The following MOV10L1 variants were observed in gnomAD, a reference collection of about 807,000 sequenced individuals.
MOV10L1 encodes the protein Mov10 like RNA helicase 1.
MOV10L1 carries 110 observed loss-of-function variants against 143.8 expected under a neutral mutation model. That is an observed-to-expected ratio of 0.76 (90% CI 0.66 to 0.90). The LOEUF (loss-of-function observed/expected upper bound fraction) is 0.90, where lower values mean the gene tolerates loss of function less well. Ranked by LOEUF, MOV10L1 falls within the 40% of genes least tolerant of loss-of-function variation. The pLI is 0.00. For missense variants in MOV10L1, 1,406 were observed against 1,526.8 expected, an observed-to-expected ratio of 0.92 and a Z score of 1.32; for synonymous variants, 593 against 581.1, an observed-to-expected ratio of 1.02 and a Z score of -0.29.
At chr22:50,138,955 G>C (rs2062907470) in intron 15 of MOV10L1, among the ~76,000 whole-genome samples, 1 of 151,524 alleles carries the variant, frequency 6.6e-6, no homozygotes, top group Non-Finnish European at 1.5e-5. Flanking sequence ...GCCCACCTCA[G>C]CCTCCCATAG....
At chr22:50,154,186 G>C (rs1000142987) in intron 22 of MOV10L1, among the ~76,000 whole-genome samples, 1 of 152,174 alleles carries the variant, frequency 6.6e-6, no homozygotes, top group African/African-American at 2.4e-5. Flanking sequence ...CTCTGAGGCA[G>C]GTCCCTCCCC....
intron 20 of MOV10L1, 109 bp from the exon 21 acceptor site, chr22:50,150,626 C>A: frequency 2.3e-6 from 3 of 1,279,310 alleles, no homozygotes; most frequent in Non-Finnish European, 3.2e-6. Flanking sequence ...TCCCCTGCAG[C>A]AAGAGTGAGC....
intron 9 of MOV10L1, among the ~76,000 whole-genome samples, chr22:50,119,272 C>T (rs2062268751): frequency 6.6e-6 from 1 of 152,132 alleles, no homozygotes; most frequent in African/African-American, 2.4e-5. Flanking sequence ...AGTGCCTGAC[C>T]CGGGTTGGCT....
At chr22:50,113,394 C>T (rs1452666628) in intron 5 of MOV10L1, among the ~76,000 whole-genome samples, 2 of 152,214 alleles carry the variant, frequency 1.3e-5, no homozygotes, top group South Asian at 2.1e-4. Context: ...GGAGCACGTT[C>T]AGGACACCGT....
rs1268934532 is a variant in MOV10L1 at position 50,129,681 on chromosome 22, G to A, written c.1910+1174G>A. 3.9e-5 allele frequency among the ~76,000 whole-genome samples: 6 copies of A among 152,138 alleles called. No individual in the cohort carries two copies. The South Asian group carries it at 6.2e-4, about 16-fold the overall frequency. ...CCATGTGTATAACAGCCTGCTGATC[G>A]GTGCCCTTTCTGTAATCTGATTTTG... On this transcript the variant is annotated intron_variant, in intron 13 of 26. Coordinates refer to ENST00000262794, the MANE Select transcript of MOV10L1 (RefSeq NM_018995.3).
At chr22:50,136,959 A>G (rs920650125) in intron 15 of MOV10L1, among the ~76,000 whole-genome samples, 3 of 152,212 alleles carry the variant, frequency 2.0e-5, no homozygotes, top group Non-Finnish European at 2.9e-5. Context: ...AGGAGCGTAG[A>G]AAGTCCAGCC....
In MOV10L1 at chr22:50,152,573, A is replaced by AT. The variant is rs2063328767; in HGVS notation, c.2893-472_2893-471insT. On this transcript the variant is annotated intron_variant, in intron 21 of 26. Coordinates refer to ENST00000262794, the MANE Select transcript of MOV10L1 (RefSeq NM_018995.3). This position sits in a 1 kb window ranked among gnomAD's most constrained non-coding sequence, Gnocchi z 4.4. ...CAGCCAGGCCCGCCCAGGGCTGGCC[A>AT]GGCCCCCAGAGTCACAGTGTCTATG... Among the ~76,000 whole-genome samples, 1 of 152,162 alleles carries AT rather than the reference A, an allele frequency of 6.6e-6. No individual in the cohort carries two copies. Among genetic ancestry groups the AT allele is most frequent in the African/African-American group, 2.4e-5 (1 of 41,452 alleles).
At chr22:50,145,077 G>A (rs1333127261) in intron 18 of MOV10L1, among the ~76,000 whole-genome samples, 2 of 152,002 alleles carry the variant, frequency 1.3e-5, no homozygotes, top group Admixed American at 6.6e-5. Context: ...TAAGTACCTA[G>A]GATTACAGGT....
chr22:50,125,013 G>T (rs1441716909), intron 10 of MOV10L1, among the ~76,000 whole-genome samples: 1 of 152,162 alleles, frequency 6.6e-6, no homozygotes, highest in Non-Finnish European at 1.5e-5. Context: ...GTCCTTGTTA[G>T]TCCACCTTGG....
At chr22:50,148,663 C>CTTTTTTTT (rs66866727) in intron 19 of MOV10L1, among the ~76,000 whole-genome samples, 1 of 140,008 alleles carries the variant, frequency 7.1e-6, no homozygotes, top group Non-Finnish European at 1.6e-5. Flanking sequence ...TTCTTTTTTT[C>CTTTTTTTT]TTTTTTTTTT....
intron 22 of MOV10L1, among the ~76,000 whole-genome samples, chr22:50,155,604 G>T (rs2063405603): frequency 6.6e-6 from 1 of 151,878 alleles, no homozygotes. Flanking sequence ...GACTCCCAAG[G>T]ATCTGGGACC....
At chr22:50,157,352 A>G (rs2063452660) in intron 22 of MOV10L1, among the ~76,000 whole-genome samples, 1 of 152,190 alleles carries the variant, frequency 6.6e-6, no homozygotes, top group Non-Finnish European at 1.5e-5. Flanking sequence ...GTAGTCCAGC[A>G]TATCCCTTTT....
At chr22:50,107,072 T>C (rs1265293267) in intron 3 of MOV10L1, among the ~76,000 whole-genome samples, 2 of 150,498 alleles carry the variant, frequency 1.3e-5, no homozygotes. Context: ...GTCTTCTGTT[T>C]TCTTTCTTTT....
chr22:50,140,572 A>G (rs997753191), intron 15 of MOV10L1, among the ~76,000 whole-genome samples: 1 of 152,184 alleles, frequency 6.6e-6, no homozygotes, highest in African/African-American at 2.4e-5. Flanking sequence ...AAAAATATGT[A>G]TCACAAAAAA....
chr22:50,160,121 C>T (rs2063517603), intron 24 of MOV10L1, among the ~76,000 whole-genome samples: 1 of 152,076 alleles, frequency 6.6e-6, no homozygotes, highest in South Asian at 2.1e-4. Flanking sequence ...CCTAAGACCC[C>T]GCCATCCAGA....
intron 17 of MOV10L1, among the ~76,000 whole-genome samples, chr22:50,143,808 G>T (rs5771190): frequency 6.6e-6 from 1 of 152,134 alleles, no homozygotes; most frequent in East Asian, 1.9e-4. Flanking sequence ...GGTATTGAGC[G>T]CACAATTGTA....
At chr22:50,096,811 C>T (rs2062601094) in intron 2 of MOV10L1, among the ~76,000 whole-genome samples, 1 of 152,040 alleles carries the variant, frequency 6.6e-6, no homozygotes, top group Non-Finnish European at 1.5e-5. Context: ...AAATCCTTTG[C>T]CCGTTTTGAA....
chr22:50,132,412 TTAATAA>T (rs1375221402), intron 13 of MOV10L1, among the ~76,000 whole-genome samples: 1 of 152,216 alleles, frequency 6.6e-6, no homozygotes, highest in African/African-American at 2.4e-5. Context: ...AATTGAAATC[TTAATAA>T]TAATAAGTCC....
chr22:50,136,584 C>T (rs569323412), intron 15 of MOV10L1, among the ~76,000 whole-genome samples: 143 of 152,286 alleles, frequency 9.4e-4, no homozygotes, highest in African/African-American at 3.0e-3. Flanking sequence ...CACAGCCTTC[C>T]GAGAGTGTCT....
Sources: allele counts gnomAD v4.1 joint callset (sites outside exome capture counted in the v4.1 genomes callset), GRCh38; gene constraint gnomAD v4.1.1; non-coding constraint Gnocchi (gnomAD v3.1); transcripts MANE v1.5; gene names NCBI Gene and HGNC (gene_info 2026-07-23, HGNC 2026-07-21).